Variants in RAB3B observed in about 807,000 individuals in gnomAD.
The protein encoded by RAB3B is RAB3B, member RAS oncogene family.
In RAB3B, 11 loss-of-function variants were observed where a neutral mutation model predicts 20.5. That is an observed-to-expected ratio of 0.54 (90% CI 0.34 to 0.89). The LOEUF (loss-of-function observed/expected upper bound fraction) is 0.89, where lower values mean the gene tolerates loss of function less well. Among genes scored for constraint, RAB3B ranks in the 40% least tolerant of loss-of-function variants. The pLI, the probability that RAB3B is intolerant of heterozygous loss-of-function variation, is 0.02. For synonymous variants in RAB3B, 99 were observed against 106.3 expected, an observed-to-expected ratio of 0.93 and a Z score of 0.42; for missense variants, 225 against 280.9, an observed-to-expected ratio of 0.80 and a Z score of 1.42.
chr1:51,953,787 C>T (rs1684671695), intron 2 of RAB3B, among the ~76,000 whole-genome samples: 1 of 152,112 alleles, frequency 6.6e-6, no homozygotes, highest in Non-Finnish European at 1.5e-5. Flanking sequence ...GATGACACAG[C>T]AAGACTCCAT....
At chr1:51,966,223 ACT>A (rs1684849839) in intron 2 of RAB3B, among the ~76,000 whole-genome samples, 1 of 152,098 alleles carries the variant, frequency 6.6e-6, no homozygotes, top group African/African-American at 2.4e-5. Context: ...AAAAAATCAG[ACT>A]CATTTGTCAA....
In RAB3B at chr1:51,910,199, G is replaced by A. The variant is rs1683977504; in HGVS notation, c.*9728C>T. On this transcript the variant is annotated 3_prime_UTR_variant, in exon 5 of 5. Coordinates refer to ENST00000371655, the MANE Select transcript of RAB3B (RefSeq NM_002867.4). ...CTGAAACCTCATCCTGTGGTCTGAT[G>A]TCTACAGGGGTTGGAAGATAGTTTA... 6.6e-6 allele frequency: 1 copy of A among 152,132 alleles called. No homozygotes were observed. Among genetic ancestry groups the A allele is most frequent in the Non-Finnish European group, 1.5e-5 (1 of 68,026 alleles). 9.4% of individuals were successfully genotyped at this position (152,132 alleles called of 1,614,324 possible).
At chr1:51,970,284 C>T (rs1684911066) in intron 2 of RAB3B, among the ~76,000 whole-genome samples, 1 of 152,030 alleles carries the variant, frequency 6.6e-6, no homozygotes, top group South Asian at 2.1e-4. Context: ...GCTTGGCAAC[C>T]AGCACCCAGC....
rs148586408 is a variant in RAB3B, at chr1:51,916,571, A to G, written c.*3356T>C. 6.6e-6 allele frequency: 1 copy of G among 152,238 alleles called. No individual in the cohort carries two copies. The highest frequency in any genetic ancestry group is 1.5e-5 in the Non-Finnish European group (1 of 68,058). 9.4% of individuals were successfully genotyped at this position (152,238 alleles called of 1,614,324 possible). A position where few individuals can be genotyped will look rare whatever the true frequency, so the allele number is the denominator to read the frequency against. Reference sequence around the variant, plus strand: ...CCTCTGAAGCAACTGTATTATACCCATGGTCAGAAAAGTTAATCAAGTCAC... The same window carrying G: ...CCTCTGAAGCAACTGTATTATACCCGTGGTCAGAAAAGTTAATCAAGTCAC... On this transcript the variant is annotated 3_prime_UTR_variant, in exon 5 of 5. Coordinates refer to ENST00000371655, the MANE Select transcript of RAB3B (RefSeq NM_002867.4).
At position 51,914,411 on chromosome 1, in the gene RAB3B, G is replaced by A. The variant is rs1684052052; in HGVS notation, c.*5516C>T. 6.6e-6 allele frequency: 1 copy of A among 152,168 alleles called. No individual in the cohort carries two copies. Among genetic ancestry groups the A allele is most frequent in the Non-Finnish European group, 1.5e-5 (1 of 68,040 alleles). 9.4% of individuals were successfully genotyped at this position (152,168 alleles called of 1,614,324 possible). On this transcript the variant is annotated 3_prime_UTR_variant, in exon 5 of 5. Coordinates refer to ENST00000371655, the MANE Select transcript of RAB3B (RefSeq NM_002867.4). ...GTTGAGTGTTCTCACAGCATCACGT[G>A]CCTTTCCTTTAGAGTACTTTGTAAT... is the stretch of plus-strand genomic sequence containing the variant.
At chr1:51,925,604 C>T (rs533573379) in intron 4 of RAB3B, among the ~76,000 whole-genome samples, 21 of 152,334 alleles carry the variant, frequency 1.4e-4, no homozygotes, top group Non-Finnish European at 2.5e-4. Context: ...TGCCATTGCT[C>T]ATGTTATTAA....
rs1467354255 is a variant in RAB3B at position 51,989,205 on chromosome 1, G to GTT, written c.-1+1345_-1+1346dup. On this transcript the variant is annotated intron_variant, in intron 1 of 4. Coordinates refer to ENST00000371655, the MANE Select transcript of RAB3B (RefSeq NM_002867.4). ...AAGCCGGGGGAAGAGGGCCCATCTT[G>GTT]TTTTGTGTGTGTGTGTGTGTGTGTG... 1.6e-4 allele frequency among the ~76,000 whole-genome samples: 15 copies of GTT among 91,300 alleles called. No homozygotes were observed. The East Asian group carries it at 1.7e-3, about 11-fold the overall frequency. The allele number at this position is 91,300 out of a possible 152,430, so 59.9% of individuals were successfully genotyped here. A position where few individuals can be genotyped will look rare whatever the true frequency, so the allele number is the denominator to read the frequency against.
intron 2 of RAB3B, among the ~76,000 whole-genome samples, chr1:51,972,750 T>A (rs1466569419): frequency 6.6e-6 from 1 of 152,178 alleles, no homozygotes; most frequent in Non-Finnish European, 1.5e-5. Flanking sequence ...ACATCAACCC[T>A]ACTGGCACCT....
At position 51,908,651 on chromosome 1, in the gene RAB3B, T is replaced by C. The variant is rs1209541405; in HGVS notation, c.*11276A>G. 1 of 151,994 alleles carries C rather than the reference T, an allele frequency of 6.6e-6. No homozygotes were observed. Among genetic ancestry groups the C allele is most frequent in the African/African-American group, 2.4e-5 (1 of 41,368 alleles). 9.4% of individuals were successfully genotyped at this position (151,994 alleles called of 1,614,324 possible). A position where few individuals can be genotyped will look rare whatever the true frequency, so the allele number is the denominator to read the frequency against. On this transcript the variant is annotated 3_prime_UTR_variant, in exon 5 of 5. Coordinates refer to ENST00000371655, the MANE Select transcript of RAB3B (RefSeq NM_002867.4). ...GTCATACGTAGACAAAACAGATGTT[T>C]AGGTTTTCTCTTCAGCAGGCTTCCT...
chr1:51,932,711 T>C (rs1684343596), intron 4 of RAB3B, among the ~76,000 whole-genome samples: 1 of 152,242 alleles, frequency 6.6e-6, no homozygotes, highest in Non-Finnish European at 1.5e-5. Context: ...ATTCAAGACA[T>C]GGTCACATTC....
chr1:51,926,260 G>C (rs958451185), intron 4 of RAB3B, among the ~76,000 whole-genome samples: 1 of 152,186 alleles, frequency 6.6e-6, no homozygotes, highest in African/African-American at 2.4e-5. Flanking sequence ...CTTGAGGGAA[G>C]GGAACCCATT....
chr1:51,983,974 G>C (rs1042920803), intron 1 of RAB3B, among the ~76,000 whole-genome samples: 1 of 151,614 alleles, frequency 6.6e-6, no homozygotes, highest in African/African-American at 2.4e-5. Context: ...AAAAAGAAAA[G>C]AAAGTAAGGG....
chr1:51,930,559 T>TA (rs1041246989), intron 4 of RAB3B, among the ~76,000 whole-genome samples: 5 of 152,006 alleles, frequency 3.3e-5, no homozygotes, highest in African/African-American at 4.8e-5. Flanking sequence ...TCTCATCTGT[T>TA]AAAAAAAACA....
chr1:51,958,480 T>C (rs552587797), intron 2 of RAB3B, among the ~76,000 whole-genome samples: 38 of 152,120 alleles, frequency 2.5e-4, no homozygotes, highest in African/African-American at 9.2e-4. Context: ...TCCTAGCACT[T>C]TGGGAGGCCG....
intron 1 of RAB3B, among the ~76,000 whole-genome samples, chr1:51,988,734 A>C (rs1488632842): frequency 6.6e-6 from 1 of 152,196 alleles, no homozygotes; most frequent in Non-Finnish European, 1.5e-5. Context: ...AGGGAGATGG[A>C]GAGAAACCCT....
chr1:51,954,424 T>G (rs1017890117), intron 2 of RAB3B, among the ~76,000 whole-genome samples: 2 of 152,248 alleles, frequency 1.3e-5, no homozygotes, highest in African/African-American at 4.8e-5. Context: ...TCTTTATGCT[T>G]GGCTGTGATT....
Position 51,911,327 on chromosome 1 carries a change from A to T in RAB3B, c.*8600T>A, listed in dbSNP as rs1184640669. On this transcript the variant is annotated 3_prime_UTR_variant, in exon 5 of 5. Transcript: ENST00000371655. The stretch of plus-strand genomic sequence containing the variant: ...GGGTAGGCTTCTTTTCAGATTATAC[A>T]TTCTGGATCAGAAAGTCTATATCAG... 6.6e-6 allele frequency: 1 copy of T among 152,210 alleles called. No homozygotes were observed. Among genetic ancestry groups the T allele is most frequent in the East Asian group, 1.9e-4 (1 of 5,202 alleles). The allele number at this position is 152,210 out of a possible 1,614,324, so 9.4% of individuals were successfully genotyped here.
chr1:51,944,317 T>C (rs1189817102), intron 2 of RAB3B, among the ~76,000 whole-genome samples: 8 of 152,216 alleles, frequency 5.3e-5, no homozygotes, highest in Non-Finnish European at 1.0e-4. Context: ...ATAATATTCC[T>C]GCTTATTGAC....
intron 4 of RAB3B, among the ~76,000 whole-genome samples, chr1:51,921,237 T>C (rs1223736883): frequency 6.6e-6 from 1 of 152,162 alleles, no homozygotes; most frequent in Non-Finnish European, 1.5e-5. Context: ...CCTGTGTCCC[T>C]TGCATTTTCT....
Sources: gnomAD v4.1 joint callset for allele counts (sites outside exome capture counted in the v4.1 genomes callset) on GRCh38, gnomAD v4.1.1 for gene constraint, MANE v1.5 for transcripts, NCBI Gene and HGNC (gene_info 2026-07-23, HGNC 2026-07-21) for gene names.